The following KCNK12 variants were observed in gnomAD, a reference collection of about 807,000 sequenced individuals.
KCNK12 encodes the protein potassium two pore domain channel subfamily K member 12.
KCNK12 carries 6 observed loss-of-function variants against 25.3 expected under a neutral mutation model. The observed-to-expected ratio is 0.24, with a 90% CI of 0.13 to 0.47. KCNK12 has a LOEUF of 0.47. KCNK12 is among the 20% of genes least tolerant of loss of function. The probability of loss-of-function intolerance (pLI) is 0.99; values close to 1 mark genes in which losing one functional copy is unlikely to be tolerated. For missense variants in KCNK12, 444 were observed against 661.7 expected, an observed-to-expected ratio of 0.67 and a Z score of 3.61; for synonymous variants, 331 against 311.1, an observed-to-expected ratio of 1.06 and a Z score of -0.67.
chr2:47,561,895 A>C (rs537763623), intron 1 of KCNK12, among the ~76,000 whole-genome samples: 2 of 152,328 alleles, frequency 1.3e-5, no homozygotes, highest in African/African-American at 4.8e-5. Flanking sequence ...GATATGAGCC[A>C]ATAGTCTTCC....
At chr2:47,549,246 C>G (rs148555199) in intron 1 of KCNK12, among the ~76,000 whole-genome samples, 3,189 of 152,254 alleles carry the variant, frequency 0.021, 107 homozygotes, top group African/African-American at 0.065. Context: ...TGTGGCTCAT[C>G]TAGTCCCAGA....
At chr2:47,537,659 C>T (rs750830797) in intron 1 of KCNK12, among the ~76,000 whole-genome samples, 3 of 152,152 alleles carry the variant, frequency 2.0e-5, no homozygotes, top group African/African-American at 7.2e-5. Context: ...CTTCTATTTG[C>T]TTTTATAAAT....
rs1010174639 is a variant in KCNK12 at position 47,528,835 on chromosome 2, G to A, written c.392-7027C>T. ...AGTTCAGCTCAGAGAGCATGGAAGTGAGATGGAGAGGCCAGCACTGATCTG... is the reference window on the plus strand; with the variant it reads ...AGTTCAGCTCAGAGAGCATGGAAGTAAGATGGAGAGGCCAGCACTGATCTG... On this transcript the variant is annotated intron_variant, in intron 1 of 1. Coordinates refer to ENST00000327876, the MANE Select transcript of KCNK12 (RefSeq NM_022055.2). The surrounding 1 kb of genome is among the most constrained non-coding windows in gnomAD (Gnocchi z 4.5). 3.3e-5 allele frequency among the ~76,000 whole-genome samples: 5 copies of A among 152,204 alleles called. No homozygotes were observed. The highest frequency in any genetic ancestry group is 1.2e-4 in the African/African-American group (5 of 41,446).
chr2:47,528,121 T>C lies in KCNK12; in HGVS notation c.392-6313A>G, dbSNP rs1197782850. On this transcript the variant is annotated intron_variant, in intron 1 of 1. Coordinates refer to ENST00000327876, the MANE Select transcript of KCNK12 (RefSeq NM_022055.2). This position sits in a 1 kb window ranked among gnomAD's most constrained non-coding sequence, Gnocchi z 4.5. ...GCATAACAACTTAGCTAGGGAGTGC[T>C]GCAGGCCCCAAATGATGCTAAATAC... Among the ~76,000 whole-genome samples, 2 of 152,188 alleles carry C rather than the reference T, an allele frequency of 1.3e-5. No individual in the cohort carries two copies. The highest frequency in any genetic ancestry group is 6.5e-5 in the Admixed American group (1 of 15,274).
Position 47,570,534 on chromosome 2 carries a change from A to C in KCNK12, c.-203T>G. On this transcript the variant is annotated 5_prime_UTR_variant, in exon 1 of 2. Coordinates refer to ENST00000327876, the MANE Select transcript of KCNK12 (RefSeq NM_022055.2). ...GCCTCCTCCCCGGCGCTCAGGCCAC[A>C]CGCGAGTCCCGTGGCCCAGCGGGTG... The C allele has an allele frequency of 2.4e-6, 1 of 408,474 alleles. No homozygotes were observed. The highest frequency in any genetic ancestry group is 4.9e-5 in the East Asian group (1 of 20,610). 25.3% of individuals were successfully genotyped at this position (408,474 alleles called of 1,614,324 possible).
rs987447341 is a variant in KCNK12, at chr2:47,555,031, G to A, written c.391+14910C>T. On this transcript the variant is annotated intron_variant, in intron 1 of 1. Transcript: ENST00000327876. This position sits in a 1 kb window ranked among gnomAD's most constrained non-coding sequence, Gnocchi z 4.5. The stretch of plus-strand genomic sequence containing the variant: ...GTGTACCAAGGAGCAGGAACAGCTT[G>A]TGAGGGGAACAGTCAAGAGTGGGAT... 2.0e-5 allele frequency among the ~76,000 whole-genome samples: 3 copies of A among 152,210 alleles called. No homozygotes were observed. Among genetic ancestry groups the A allele is most frequent in the Non-Finnish European group, 4.4e-5 (3 of 68,038 alleles).
chr2:47,525,596 G>T lies in KCNK12; in HGVS notation c.392-3788C>A, dbSNP rs1668752789. Reference sequence around the variant, plus strand: ...ACTTCAAGGGCTTGCTTCATCAGGAGATGTGAGGGTGACATGGGTCACCAG... The same window carrying T: ...ACTTCAAGGGCTTGCTTCATCAGGATATGTGAGGGTGACATGGGTCACCAG... On this transcript the variant is annotated intron_variant, in intron 1 of 1. Coordinates refer to ENST00000327876, the MANE Select transcript of KCNK12 (RefSeq NM_022055.2). The surrounding 1 kb of genome is among the most constrained non-coding windows in gnomAD (Gnocchi z 4.1). Among the ~76,000 whole-genome samples, 1 of 152,220 alleles carries T rather than the reference G, an allele frequency of 6.6e-6. No homozygotes were observed. The highest frequency in any genetic ancestry group is 6.5e-5 in the Admixed American group (1 of 15,286).
rs1669657232 is a variant in KCNK12 at position 47,560,971 on chromosome 2, C to A, written c.391+8970G>T. On this transcript the variant is annotated intron_variant, in intron 1 of 1. Coordinates refer to ENST00000327876, the MANE Select transcript of KCNK12 (RefSeq NM_022055.2). The surrounding 1 kb of genome is among the most constrained non-coding windows in gnomAD (Gnocchi z 4.7). ...CACCCACCAGGGAGTCATGGTAGCC[C>A]TGGGGTGCAGGGAGCAGCAGCCTGG... is the stretch of plus-strand genomic sequence containing the variant. Among the ~76,000 whole-genome samples the A allele has an allele frequency of 6.6e-6, 1 of 152,158 alleles. No individual in the cohort carries two copies.
rs1270251233 is a variant in KCNK12 at position 47,538,429 on chromosome 2, A to G, written c.392-16621T>C. 1.3e-5 allele frequency among the ~76,000 whole-genome samples: 2 copies of G among 152,142 alleles called. No individual in the cohort carries two copies. Among genetic ancestry groups the G allele is most frequent in the Non-Finnish European group, 2.9e-5 (2 of 68,022 alleles). On this transcript the variant is annotated intron_variant, in intron 1 of 1. Transcript: ENST00000327876. The surrounding 1 kb of genome is among the most constrained non-coding windows in gnomAD (Gnocchi z 4.5). The stretch of plus-strand genomic sequence containing the variant: ...GTAAGAGTGTTTCAGGCTAGTCAAC[A>G]GCACGAGCAAAGGCCCTGAGGCAGA...
rs1474768564 is a variant in KCNK12, at chr2:47,565,031, G to A, written c.391+4910C>T. ...AAAAAAAAAAAAGTAGCCAGGTGTG[G>A]TGATGTGTGCCTGTGATCCCAGCTT... On this transcript the variant is annotated intron_variant, in intron 1 of 1. Coordinates refer to ENST00000327876, the MANE Select transcript of KCNK12 (RefSeq NM_022055.2). The surrounding 1 kb of genome is among the most constrained non-coding windows in gnomAD (Gnocchi z 5.0). The A allele has an allele frequency of 6.6e-6, 1 of 151,996 alleles. No homozygotes were observed. The highest frequency in any genetic ancestry group is 2.4e-5 in the African/African-American group (1 of 41,388). The allele number at this position is 151,996 out of a possible 1,614,324, so 9.4% of individuals were successfully genotyped here.
At chr2:47,549,762 C>T (rs573535674) in intron 1 of KCNK12, among the ~76,000 whole-genome samples, 5 of 152,066 alleles carry the variant, frequency 3.3e-5, no homozygotes, top group Admixed American at 6.5e-5. Context: ...GGTGAAACCC[C>T]GTCTCTACTA....
chr2:47,515,910 A>C lies in KCNK12; in HGVS notation c.*4997T>G, dbSNP rs946280552. On this transcript the variant is annotated 3_prime_UTR_variant, in exon 2 of 2. Transcript: ENST00000327876. ...GGACCCCATGCAGAAGCAATAGGGC[A>C]GCCTGGTCCCATATCCTCATGAAAT... Among the ~76,000 whole-genome samples, 4 of 152,214 alleles carry C rather than the reference A, an allele frequency of 2.6e-5. No individual in the cohort carries two copies.
rs1669631234 is a variant in KCNK12, at chr2:47,560,019, G to C, written c.391+9922C>G. Among the ~76,000 whole-genome samples, 1 of 152,158 alleles carries C rather than the reference G, an allele frequency of 6.6e-6. No homozygotes were observed. The highest frequency in any genetic ancestry group is 1.5e-5 in the Non-Finnish European group (1 of 68,016). On this transcript the variant is annotated intron_variant, in intron 1 of 1. Coordinates refer to ENST00000327876, the MANE Select transcript of KCNK12 (RefSeq NM_022055.2). This position sits in a 1 kb window ranked among gnomAD's most constrained non-coding sequence, Gnocchi z 4.7. ...GGCGCTTGGTGCAAGGTCTAGGCAG[G>C]GTCTGTTTCAGGACATGACCTTAGG...
chr2:47,525,675 G>A lies in KCNK12; in HGVS notation c.392-3867C>T, dbSNP rs911236412. On this transcript the variant is annotated intron_variant, in intron 1 of 1. Coordinates refer to ENST00000327876, the MANE Select transcript of KCNK12 (RefSeq NM_022055.2). This position sits in a 1 kb window ranked among gnomAD's most constrained non-coding sequence, Gnocchi z 4.1. ...AGATCTGAAGAGACTGCTCAAGAGG[G>A]CTGCCTGCTGGAGCAAGGGGGCCCT... Among the ~76,000 whole-genome samples, 1 of 152,168 alleles carries A rather than the reference G, an allele frequency of 6.6e-6. No homozygotes were observed. The highest frequency in any genetic ancestry group is 2.4e-5 in the African/African-American group (1 of 41,436).
Position 47,515,407 on chromosome 2 carries a change from A to G in KCNK12, c.*5500T>C, listed in dbSNP as rs1336065530. ...TATTTACATCCTACTGCTTAAGGTC[A>G]TCGCCAAAATCTGATTTTTTACACA... On this transcript the variant is annotated 3_prime_UTR_variant, in exon 2 of 2. Coordinates refer to ENST00000327876, the MANE Select transcript of KCNK12 (RefSeq NM_022055.2). Among the ~76,000 whole-genome samples, 1 of 152,248 alleles carries G rather than the reference A, an allele frequency of 6.6e-6. No individual in the cohort carries two copies. Among genetic ancestry groups the G allele is most frequent in the African/African-American group, 2.4e-5 (1 of 41,464 alleles).
chr2:47,534,043 G>T (rs139006588), intron 1 of KCNK12, among the ~76,000 whole-genome samples: 142 of 152,160 alleles, frequency 9.3e-4, no homozygotes, highest in South Asian at 6.0e-3. Context: ...CAACAAGATG[G>T]GAGGCGGGGA....
In KCNK12 at chr2:47,533,723, T is replaced by G. The variant is rs552650103; in HGVS notation, c.392-11915A>C. On this transcript the variant is annotated intron_variant, in intron 1 of 1. Coordinates refer to ENST00000327876, the MANE Select transcript of KCNK12 (RefSeq NM_022055.2). This position sits in a 1 kb window ranked among gnomAD's most constrained non-coding sequence, Gnocchi z 4.7. Reference sequence around the variant, plus strand: ...TGAGAGTGTGTGTGTGTGGGAGAGATATTTTTAAATGGGGCTGTTGTGGAA... The same window carrying G: ...TGAGAGTGTGTGTGTGTGGGAGAGAGATTTTTAAATGGGGCTGTTGTGGAA... Among the ~76,000 whole-genome samples, 36 of 152,320 alleles carry G rather than the reference T, an allele frequency of 2.4e-4. No individual in the cohort carries two copies. Among genetic ancestry groups the G allele is most frequent in the African/African-American group, 3.4e-4 (14 of 41,576 alleles).
rs1030380653 is a variant in KCNK12 at position 47,570,518 on chromosome 2, C to G, written c.-187G>C. Reference sequence around the variant, plus strand: ...ACAGAGGGGCGCCTCCGCCTCCTCCCCGGCGCTCAGGCCACACGCGAGTCC... The same window carrying G: ...ACAGAGGGGCGCCTCCGCCTCCTCCGCGGCGCTCAGGCCACACGCGAGTCC... On this transcript the variant is annotated 5_prime_UTR_variant, in exon 1 of 2. Coordinates refer to ENST00000327876, the MANE Select transcript of KCNK12 (RefSeq NM_022055.2). 1.5e-5 allele frequency: 8 copies of G among 519,780 alleles called. No individual in the cohort carries two copies. In the Admixed American group the frequency reaches 3.9e-4, roughly 25 times the overall value. 32.2% of individuals were successfully genotyped at this position (519,780 alleles called of 1,614,324 possible).
rs115822863 is a variant in KCNK12 at position 47,539,718 on chromosome 2, C to T, written c.392-17910G>A. On this transcript the variant is annotated intron_variant, in intron 1 of 1. Transcript: ENST00000327876. ...AAAGAAGGGGGCACCGCTGTGCGGA[C>T]GCCAGACTGCGAAGGGCTGCAGAAG... Among the ~76,000 whole-genome samples, 276 of 152,144 alleles carry T rather than the reference C, an allele frequency of 1.8e-3. 2 individuals are homozygous for T. The highest frequency in any genetic ancestry group is 6.3e-3 in the African/African-American group (261 of 41,508).
Sources: gnomAD v4.1 joint callset for allele counts (sites outside exome capture counted in the v4.1 genomes callset) on GRCh38, gnomAD v4.1.1 for gene constraint, Gnocchi (gnomAD v3.1) non-coding constraint, MANE v1.5 for transcripts, NCBI Gene and HGNC (gene_info 2026-07-23, HGNC 2026-07-21) for gene names.